Variants in TTLL3 observed in about 807,000 individuals in gnomAD.
TTLL3 encodes the protein tubulin monoglycylase TTLL3.
In TTLL3, 63 loss-of-function variants were observed where a neutral mutation model predicts 75.2. The ratio of observed to expected loss-of-function variants is 0.84; its 90% CI spans 0.68 to 1.03. TTLL3 has a LOEUF of 1.03. Among genes scored for constraint, TTLL3 ranks in the 50% least tolerant of loss-of-function variants. The pLI is 0.00. For synonymous variants in TTLL3, 393 were observed against 418.5 expected, an observed-to-expected ratio of 0.94 and a Z score of 0.74; for missense variants, 997 against 1,069.9, an observed-to-expected ratio of 0.93 and a Z score of 0.95.
intron 11 of TTLL3, among the ~76,000 whole-genome samples, chr3:9,830,306 T>G (rs192285470): frequency 5.9e-5 from 9 of 152,188 alleles, no homozygotes; most frequent in Admixed American, 2.6e-4. Context: ...ATTAGTAGTA[T>G]TATAATTATT....
rs750348991 is a variant in TTLL3 at position 9,835,473 on chromosome 3, C to A, written c.2432C>A (p.Ser811Tyr). The stretch of plus-strand genomic sequence containing the variant: ...GGGGCGAGGCCGTGTACCCCAGGGT[C>A]CACAGCAAGAGCCTGAGGCCATCAG... Reference protein sequence around the residue: ...VDGARPCTPGSTARA With the variant: ...VDGARPCTPGYTARA The change falls in exon 14 of 14, where the codon TCC becomes TAC. Residue 811 changes from serine (S) to tyrosine (Y), a missense_variant. Coordinates refer to ENST00000685419, the MANE Select transcript of TTLL3 (RefSeq NM_001387446.1). 1 of 1,600,148 alleles carries A rather than the reference C, an allele frequency of 6.2e-7. No homozygotes were observed. Among genetic ancestry groups the A allele is most frequent in the South Asian group, 1.1e-5 (1 of 89,210 alleles).
intron 8 of TTLL3, among the ~76,000 whole-genome samples, chr3:9,822,748 A>AATAT (rs1422700334): frequency 7.1e-6 from 1 of 140,750 alleles, no homozygotes; most frequent in Non-Finnish European, 1.5e-5. Flanking sequence ...TATATATTAT[A>AATAT]ATATATATAA....
chr3:9,825,670 A>C, intron 8 of TTLL3, 130 bp from the exon 9 acceptor site: 1 of 1,541,234 alleles, frequency 6.5e-7, no homozygotes, highest in Non-Finnish European at 8.8e-7. Context: ...GGACCTATGG[A>C]TATCTGCAGG....
rs552092430 is a variant in TTLL3 at position 9,835,708 on chromosome 3, C to T, written c.*219C>T. ...CGCAGGGACATATTGCCAGAACTGC[C>T]GAGCACTGGGAGCCCCCCAACCCCA... On this transcript the variant is annotated 3_prime_UTR_variant, in exon 14 of 14. Transcript: ENST00000685419. 26 of 518,018 alleles carry T rather than the reference C, an allele frequency of 5.0e-5. No individual in the cohort carries two copies. The East Asian group carries it at 5.1e-4, about 10-fold the overall frequency. The allele number at this position is 518,018 out of a possible 1,614,324, so 32.1% of individuals were successfully genotyped here.
rs1444503478 is a variant in TTLL3 at position 9,835,709 on chromosome 3, G to A, written c.*220G>A. On this transcript the variant is annotated 3_prime_UTR_variant, in exon 14 of 14. Coordinates refer to ENST00000685419, the MANE Select transcript of TTLL3 (RefSeq NM_001387446.1). ...GCAGGGACATATTGCCAGAACTGCC[G>A]AGCACTGGGAGCCCCCCAACCCCAG... 1.4e-5 allele frequency: 7 copies of A among 514,088 alleles called. No homozygotes were observed. Among genetic ancestry groups the A allele is most frequent in the Non-Finnish European group, 1.7e-5 (5 of 296,356 alleles). 31.8% of individuals were successfully genotyped at this position (514,088 alleles called of 1,614,324 possible).
At chr3:9,828,851 G>T in intron 10 of TTLL3, 109 bp from the exon 11 acceptor site, 1 of 1,407,376 alleles carries the variant, frequency 7.1e-7, no homozygotes, top group Non-Finnish European at 9.6e-7. Flanking sequence ...ATCTCAAGTT[G>T]AATAGTGCAG....
chr3:9,813,415 G>A, intron 4 of TTLL3, 70 bp downstream of exon 4: 2 of 1,561,184 alleles, frequency 1.3e-6, no homozygotes, highest in Non-Finnish European at 1.8e-6. Flanking sequence ...TGTCCAGCTG[G>A]GTGACCTCAG....
At chr3:9,815,094 G>A (rs1296088109) in intron 4 of TTLL3, among the ~76,000 whole-genome samples, 1 of 151,944 alleles carries the variant, frequency 6.6e-6, no homozygotes, top group Non-Finnish European at 1.5e-5. Context: ...AAAAAAATTA[G>A]CTGGGCCTGG....
chr3:9,835,547 TGG>T lies in TTLL3; in HGVS notation c.*61_*62del. The T allele has an allele frequency of 6.7e-7, 1 of 1,489,506 alleles. No individual in the cohort carries two copies. Among genetic ancestry groups the T allele is most frequent in the Non-Finnish European group, 9.0e-7 (1 of 1,115,824 alleles). The allele number at this position is 1,489,506 out of a possible 1,614,324, so 92.3% of individuals were successfully genotyped here. A position where few individuals can be genotyped will look rare whatever the true frequency, so the allele number is the denominator to read the frequency against. ...CAGAATTCCCACCTAAGGACAGACA[TGG>T]GGCTTCCTATTTAGGGACTCCCCCA... On this transcript the variant is annotated 3_prime_UTR_variant, in exon 14 of 14. Transcript: ENST00000685419.
In TTLL3 at chr3:9,827,176, T is replaced by C; in HGVS notation, c.1183T>C (p.Trp395Arg). The C allele has an allele frequency of 6.2e-7, 1 of 1,614,242 alleles. No individual in the cohort carries two copies. Among genetic ancestry groups the C allele is most frequent in the Non-Finnish European group, 8.5e-7 (1 of 1,180,044 alleles). The change falls in exon 10 of 14, where the codon TGG (tryptophan) becomes CGG (arginine). Residue 395 changes from tryptophan (W) to arginine (R), a missense_variant. Physicochemically the swap from Trp to Arg is moderately radical, Grantham distance 101. Transcript: ENST00000685419. The part of the protein sequence containing the change: ...LVTDWNPLTV[W>R]FYRDSYIRFS... ...AACTGACTGGAACCCACTTACCGTG[T>C]GGTTCTACCGCGACAGCTATATCCG...
At chr3:9,813,385 G>C (rs763110662) in intron 4 of TTLL3, 40 bp downstream of exon 4, 10 of 1,609,692 alleles carry the variant, frequency 6.2e-6, no homozygotes, top group Non-Finnish European at 8.5e-6. Flanking sequence ...GGGACTGCCT[G>C]CTTAGAGGGA....
intron 9 of TTLL3, 65 bp from the exon 10 acceptor site, chr3:9,826,932 C>G: frequency 1.9e-6 from 3 of 1,602,818 alleles, no homozygotes; most frequent in Non-Finnish European, 2.6e-6. Context: ...GAGCTCATGA[C>G]AAGCTGGCCC....
rs1236329099 is a variant in TTLL3, at chr3:9,817,750, G to A, written c.550G>A (p.Ala184Thr). 1.9e-6 allele frequency: 3 copies of A among 1,614,158 alleles called. No homozygotes were observed. The highest frequency in any genetic ancestry group is 1.7e-6 in the Non-Finnish European group (2 of 1,180,010). Residue 184 changes from alanine to threonine, a missense_variant, in exon 6 of 14, where the codon GCC becomes ACC. Coordinates refer to ENST00000685419, the MANE Select transcript of TTLL3 (RefSeq NM_001387446.1). ...CCTGGGGGCTGAGGATGACAAAAAA[G>A]CCTTCATAGGTAAGGAGACCCCCAG... ...YCLGAEDDKK[A>T]FIEDFWLTAA...
At chr3:9,823,213 C>G (rs2080656206) in intron 8 of TTLL3, among the ~76,000 whole-genome samples, 1 of 151,990 alleles carries the variant, frequency 6.6e-6, no homozygotes, top group African/African-American at 2.4e-5. Context: ...GAAACCCCAT[C>G]TCTACTAAAA....
chr3:9,818,525 C>T (rs777936588), intron 6 of TTLL3: 100 of 515,292 alleles, frequency 1.9e-4, no homozygotes, highest in Admixed American at 7.4e-4. Flanking sequence ...CCCGCCATCA[C>T]GCCTGGCTAA....
intron 7 of TTLL3, chr3:9,819,145 A>C (rs1208619783): frequency 3.6e-6 from 2 of 557,338 alleles, no homozygotes; most frequent in Non-Finnish European, 6.3e-6. Flanking sequence ...TCACCCACCC[A>C]CCCTTCCACT....
intron 5 of TTLL3, 119 bp downstream of exon 5, chr3:9,816,321 A>G: frequency 9.1e-7 from 1 of 1,104,064 alleles, no homozygotes; most frequent in East Asian, 6.0e-5. Context: ...GGAAGTATAC[A>G]ATTCAGAAAA....
chr3:9,830,489 G>C (rs1231878128), intron 11 of TTLL3, among the ~76,000 whole-genome samples: 1 of 152,196 alleles, frequency 6.6e-6, no homozygotes, highest in Non-Finnish European at 1.5e-5. Context: ...TTGGTTACAG[G>C]AAGAGAACGT....
intron 11 of TTLL3, among the ~76,000 whole-genome samples, chr3:9,832,604 C>G (rs1384483383): frequency 6.6e-6 from 1 of 152,194 alleles, no homozygotes; most frequent in Non-Finnish European, 1.5e-5. Flanking sequence ...TTCTCTCTGC[C>G]TTCCTCTGCA....
Sources: gnomAD v4.1 joint callset for allele counts (sites outside exome capture counted in the v4.1 genomes callset) on GRCh38, gnomAD v4.1.1 for gene constraint, MANE v1.5 for transcripts, NCBI Gene and HGNC (gene_info 2026-07-23, HGNC 2026-07-21) for gene names.